Variants in PCDHA5 observed in about 807,000 individuals in gnomAD.
PCDHA5 encodes the protein protocadherin alpha-5.
A neutral mutation model predicts 61.6 loss-of-function variants in PCDHA5; 43 were observed. The observed-to-expected ratio is 0.70, with a 90% confidence interval of 0.55 to 0.90. The LOEUF is 0.90. PCDHA5 is among the 40% of genes least tolerant of loss of function. PCDHA5 has a pLI of 0.00. For synonymous variants in PCDHA5, 627 were observed against 543.9 expected, an observed-to-expected ratio of 1.15 and a Z score of -2.13; for missense variants, 1,298 against 1,222.7, an observed-to-expected ratio of 1.06 and a Z score of -0.92.
At chr5:140,970,408 A>G (rs1292683019) in intron 1 of PCDHA5, among the ~76,000 whole-genome samples, 1 of 152,202 alleles carries the variant, frequency 6.6e-6, no homozygotes, top group Admixed American at 6.5e-5. Context: ...GGCTTACCCT[A>G]CAGTAAGGTG....
intron 1 of PCDHA5, among the ~76,000 whole-genome samples, chr5:140,886,602 C>T (rs1167539535): frequency 6.6e-6 from 1 of 151,756 alleles, no homozygotes; most frequent in Non-Finnish European, 1.5e-5. Flanking sequence ...CCAAGGTGGG[C>T]GGATCAGGAG....
At chr5:140,868,965 G>A (rs2050767308) in intron 1 of PCDHA5, 1 of 1,430,146 alleles carries the variant, frequency 7.0e-7, no homozygotes, top group Non-Finnish European at 9.4e-7. Flanking sequence ...CCATACAAAG[G>A]AACTCCATCA....
intron 1 of PCDHA5, chr5:140,842,083 C>T (rs2150328949): frequency 1.3e-4 from 212 of 1,613,806 alleles, no homozygotes; most frequent in East Asian, 1.3e-3. Context: ...TATTCGAAAA[C>T]GCAGACAACG....
At chr5:140,991,422 T>G (rs140209692) in intron 3 of PCDHA5, among the ~76,000 whole-genome samples, 7 of 152,330 alleles carry the variant, frequency 4.6e-5, no homozygotes, top group Admixed American at 1.3e-4. Context: ...TATAACAAAT[T>G]AACCATAAAC....
chr5:140,842,746 C>T, intron 1 of PCDHA5: 1 of 1,595,086 alleles, frequency 6.3e-7, no homozygotes, highest in South Asian at 1.1e-5. Flanking sequence ...GCCACATCTT[C>T]ACGGTGTCTG....
rs782722148 is a variant in PCDHA5, at chr5:140,857,308, T to A, written c.2352+33181T>A. 2 of 1,597,818 alleles carry A rather than the reference T, an allele frequency of 1.3e-6. 1 individual carries two copies. Among genetic ancestry groups the A allele is most frequent in the African/African-American group, 2.7e-5 (2 of 74,344 alleles). Reference sequence around the variant, plus strand: ...TGGACCGCGAGAGGGTGTCGGCCTATGAGCTGGTGGTGACCGCGCGGGACG... The same window carrying A: ...TGGACCGCGAGAGGGTGTCGGCCTAAGAGCTGGTGGTGACCGCGCGGGACG... On this transcript the variant is annotated intron_variant, in intron 1 of 3. Coordinates refer to ENST00000529859, the MANE Select transcript of PCDHA5 (RefSeq NM_018908.3).
At chr5:140,834,180 C>G in intron 1 of PCDHA5, 1 of 562,966 alleles carries the variant, frequency 1.8e-6, no homozygotes, top group Non-Finnish European at 3.1e-6. Context: ...ATGATGGCCA[C>G]ATGATGTCGC....
rs139165612 is a variant in PCDHA5 at position 140,875,715 on chromosome 5, T to C, written c.2352+51588T>C. On this transcript the variant is annotated intron_variant, in intron 1 of 3. Coordinates refer to ENST00000529859, the MANE Select transcript of PCDHA5 (RefSeq NM_018908.3). Reference sequence around the variant, plus strand: ...ACCTTCTGGAGGTAAATCTGCAGAATGGCATTTTGTTTGTGAATTCTCGGA... The same window carrying C: ...ACCTTCTGGAGGTAAATCTGCAGAACGGCATTTTGTTTGTGAATTCTCGGA... 205 of 1,614,134 alleles carry C rather than the reference T, an allele frequency of 1.3e-4. 1 individual carries two copies. The African/African-American group carries it at 2.2e-3, about 17-fold the overall frequency.
At chr5:140,952,180 T>C (rs1034052117) in intron 1 of PCDHA5, among the ~76,000 whole-genome samples, 4 of 151,968 alleles carry the variant, frequency 2.6e-5, no homozygotes, top group Admixed American at 2.0e-4. Context: ...CTGCAGCTGC[T>C]CTCATGGGTT....
At chr5:140,924,906 T>A (rs199645977) in intron 1 of PCDHA5, among the ~76,000 whole-genome samples, 5,369 of 55,724 alleles carry the variant, frequency 0.096, 112 homozygotes, top group Non-Finnish European at 0.11. Context: ...AAAAAAAAAA[T>A]AAAATAAAAT....
intron 1 of PCDHA5, chr5:140,866,074 T>C (rs1409925126): frequency 6.6e-6 from 1 of 152,180 alleles, no homozygotes; most frequent in Non-Finnish European, 1.5e-5. Context: ...CTGAGATAGG[T>C]ATTTTGGTTA....
At chr5:140,870,295 T>G (rs1037957284) in intron 1 of PCDHA5, 1 of 1,614,054 alleles carries the variant, frequency 6.2e-7, no homozygotes, top group Non-Finnish European at 8.5e-7. Context: ...CAAGCTGGTG[T>G]CCACCTTCAA....
Position 140,853,387 on chromosome 5 carries a change from C to T in PCDHA5, c.2352+29260C>T, listed in dbSNP as rs2150531459. 3.0e-6 allele frequency: 3 copies of T among 985,448 alleles called. No homozygotes were observed. In the Admixed American group the frequency reaches 1.9e-4, roughly 62 times the overall value. The allele number at this position is 985,448 out of a possible 1,614,324, so 61.0% of individuals were successfully genotyped here. ...CCAGAGATGGTAAAATTCAAAACAGCCTGTCAAGTTCAAAACAGAGAGGTG... is the reference window on the plus strand; with the variant it reads ...CCAGAGATGGTAAAATTCAAAACAGTCTGTCAAGTTCAAAACAGAGAGGTG... On this transcript the variant is annotated intron_variant, in intron 1 of 3. Coordinates refer to ENST00000529859, the MANE Select transcript of PCDHA5 (RefSeq NM_018908.3).
intron 1 of PCDHA5, chr5:140,967,037 G>C (rs1429896772): frequency 2.5e-6 from 4 of 1,611,378 alleles, no homozygotes; most frequent in South Asian, 1.1e-5. Flanking sequence ...GCGCTACCTG[G>C]AGCTGGACCT....
At chr5:140,943,624 G>C (rs2093534515) in intron 1 of PCDHA5, among the ~76,000 whole-genome samples, 2 of 152,106 alleles carry the variant, frequency 1.3e-5, no homozygotes, top group African/African-American at 4.8e-5. Context: ...ATCTGCATAA[G>C]GAAGCTGGAT....
intron 1 of PCDHA5, chr5:140,835,868 G>A (rs1454077301): frequency 6.2e-7 from 1 of 1,612,002 alleles, no homozygotes; most frequent in African/African-American, 1.3e-5. Flanking sequence ...ACTCGCTGGT[G>A]GAGCTGCGGG....
At chr5:140,842,005 G>T in intron 1 of PCDHA5, 1 of 1,613,756 alleles carries the variant, frequency 6.2e-7, no homozygotes, top group Admixed American at 1.7e-5. Flanking sequence ...CTGTTCAGCT[G>T]CTGGTCACAG....
chr5:140,825,137 A>G (rs1027495465), intron 1 of PCDHA5: 8 of 151,772 alleles, frequency 5.3e-5, no homozygotes, highest in Non-Finnish European at 1.0e-4. Flanking sequence ...TAAAAAACAT[A>G]TGAGTATTGA....
At position 140,970,818 on chromosome 5, in the gene PCDHA5, G is replaced by A. The variant is rs77234853; in HGVS notation, c.2353-8131G>A. Among the ~76,000 whole-genome samples, 569 of 152,084 alleles carry A rather than the reference G, an allele frequency of 3.7e-3. 1 individual carries two copies. The highest frequency in any genetic ancestry group is 5.8e-3 in the South Asian group (28 of 4,824). On this transcript the variant is annotated intron_variant, in intron 1 of 3. Coordinates refer to ENST00000529859, the MANE Select transcript of PCDHA5 (RefSeq NM_018908.3). ...CATATTGTTACATTTCAAGTTCATGGTAATCTTGAGGAATGTAATGCACAG... is the reference window on the plus strand; with the variant it reads ...CATATTGTTACATTTCAAGTTCATGATAATCTTGAGGAATGTAATGCACAG...
Sources: allele counts gnomAD v4.1 joint callset (sites outside exome capture counted in the v4.1 genomes callset), GRCh38; gene constraint gnomAD v4.1.1; transcripts MANE v1.5; gene names NCBI Gene and HGNC (gene_info 2026-07-23, HGNC 2026-07-21).